Variants in RARB observed in about 807,000 individuals in gnomAD.
RARB encodes HBV-activated protein.
Under a neutral mutation model 51.9 loss-of-function variants are expected in RARB, and 17 were observed. The ratio of observed to expected loss-of-function variants is 0.33; its 90% CI spans 0.22 to 0.49. The LOEUF (loss-of-function observed/expected upper bound fraction) is 0.49. RARB is among the 20% of genes least tolerant of loss of function. RARB has a pLI of 0.99. For synonymous variants in RARB, 215 were observed against 195.4 expected (o/e 1.10, Z -0.84); for missense variants, 369 against 550.8 (o/e 0.67, Z 3.30).
At chr3:25,542,022 A>G (rs527546755) in intron 3 of RARB, among the ~76,000 whole-genome samples, 1 of 152,264 alleles carries the variant, frequency 6.6e-6, no homozygotes, top group Non-Finnish European at 1.5e-5. Context: ...AGAAGAAGAA[A>G]GGAAAGCTAG....
chr3:25,036,979 T>C (rs928845492), intron 2 of RARB, among the ~76,000 whole-genome samples: 1 of 152,130 alleles, frequency 6.6e-6, no homozygotes, highest in Non-Finnish European at 1.5e-5. Flanking sequence ...TTACAAAAGT[T>C]TGTATGTGTG....
intron 2 of RARB, among the ~76,000 whole-genome samples, chr3:25,046,781 T>C (rs1397026946): frequency 2.0e-5 from 3 of 152,156 alleles, no homozygotes; most frequent in East Asian, 3.9e-4. Context: ...TATTAGTTAG[T>C]AGATTTTATT....
chr3:24,870,218 A>G (rs1702922059), intron 2 of RARB, among the ~76,000 whole-genome samples: 2 of 151,970 alleles, frequency 1.3e-5, no homozygotes, highest in African/African-American at 2.4e-5. Context: ...AATGCATTCT[A>G]ATTTATTTTC....
chr3:25,152,489 T>A (rs1341229612), intron 4 of RARB, among the ~76,000 whole-genome samples: 1 of 152,168 alleles, frequency 6.6e-6, no homozygotes, highest in East Asian at 1.9e-4. Context: ...TACAAAGAAC[T>A]AAAATGTAGT....
chr3:25,463,760 A>G (rs1695302154), intron 2 of RARB, among the ~76,000 whole-genome samples: 1 of 152,144 alleles, frequency 6.6e-6, no homozygotes, highest in Non-Finnish European at 1.5e-5. Flanking sequence ...TTAAATAAAC[A>G]TATGTATTAT....
chr3:25,440,966 A>G (rs1438488145), intron 1 of RARB, among the ~76,000 whole-genome samples: 1 of 152,138 alleles, frequency 6.6e-6, no homozygotes, highest in Non-Finnish European at 1.5e-5. Context: ...AAAACTGCCA[A>G]TACCTAATTT....
Position 25,292,837 on chromosome 3 carries a change from T to C in RARB, c.178+118262T>C, listed in dbSNP as rs1271749564. Among the ~76,000 whole-genome samples the C allele has an allele frequency of 2.0e-5, 3 of 152,174 alleles. No homozygotes were observed. In the East Asian group the frequency reaches 5.8e-4, roughly 29 times the overall value. On this transcript the variant is annotated intron_variant, in intron 5 of 11. Coordinates refer to the RARB transcript ENST00000383772. ...CCTGTGTTATGAGAAAACATGGTCCTGCCCTATTCGAGGCTGGTCACTTAG... is the reference window on the plus strand; with the variant it reads ...CCTGTGTTATGAGAAAACATGGTCCCGCCCTATTCGAGGCTGGTCACTTAG...
intron 5 of RARB, among the ~76,000 whole-genome samples, chr3:25,286,154 T>C (rs1259005535): frequency 1.5e-5 from 2 of 134,184 alleles, no homozygotes; most frequent in Admixed American, 1.7e-4. Context: ...AGTGGCATGA[T>C]CTCAGCTCAC....
chr3:25,347,077 C>T (rs929466923), intron 5 of RARB, among the ~76,000 whole-genome samples: 11 of 151,980 alleles, frequency 7.2e-5, no homozygotes, highest in Admixed American at 2.6e-4. Flanking sequence ...GTAGGTTGAC[C>T]GGGAAAACAT....
intron 2 of RARB, among the ~76,000 whole-genome samples, chr3:24,934,350 T>C (rs56881270): frequency 0.19 from 29,604 of 152,110 alleles, 2,942 homozygotes; most frequent in Non-Finnish European, 0.21. Flanking sequence ...AGCCCAGAGA[T>C]ATTCTGGCAG....
intron 5 of RARB, among the ~76,000 whole-genome samples, chr3:25,376,424 A>C (rs1706460928): frequency 6.6e-6 from 1 of 152,188 alleles, no homozygotes; most frequent in Non-Finnish European, 1.5e-5. Context: ...CTCCCTGAGT[A>C]ATTACCAGTC....
rs528509157 is a variant in RARB, at chr3:25,134,935, G to A, written c.-280+2727G>A. The stretch of plus-strand genomic sequence containing the variant: ...AGATTTGTGTTCCATGAATTTCAAA[G>A]TTACTAATATATGAAGATTAAACGC... On this transcript the variant is annotated intron_variant, in intron 4 of 11. Coordinates refer to the RARB transcript ENST00000383772. Among the ~76,000 whole-genome samples, 6 of 152,008 alleles carry A rather than the reference G, an allele frequency of 3.9e-5. No individual in the cohort carries two copies. The South Asian group carries it at 1.2e-3, about 32-fold the overall frequency.
intron 5 of RARB, among the ~76,000 whole-genome samples, chr3:25,253,761 G>C (rs1304092852): frequency 1.3e-5 from 2 of 152,124 alleles, no homozygotes; most frequent in Admixed American, 6.6e-5. Context: ...TTGTCAATAA[G>C]GCTATAAAGG....
intron 5 of RARB, among the ~76,000 whole-genome samples, chr3:25,420,687 G>A (rs1445743618): frequency 6.6e-6 from 1 of 152,248 alleles, no homozygotes. Context: ...GGGGGTTTAG[G>A]TCATGGGTAG....
At chr3:25,351,533 T>C (rs1705570292) in intron 5 of RARB, among the ~76,000 whole-genome samples, 1 of 152,170 alleles carries the variant, frequency 6.6e-6, no homozygotes, top group Non-Finnish European at 1.5e-5. Flanking sequence ...TCTTATCATT[T>C]ATGGAGTCTT....
At chr3:25,255,220 G>A (rs1702832548) in intron 5 of RARB, among the ~76,000 whole-genome samples, 1 of 152,100 alleles carries the variant, frequency 6.6e-6, no homozygotes, top group Non-Finnish European at 1.5e-5. Flanking sequence ...ACACAAATAT[G>A]AATTTTTTCT....
chr3:24,999,211 AATTAGAGAGGTCTTGC>A (rs1227197833), intron 2 of RARB, among the ~76,000 whole-genome samples: 1 of 152,166 alleles, frequency 6.6e-6, no homozygotes, highest in Non-Finnish European at 1.5e-5. Context: ...CATGATATGA[AATTAGAGAGGTCTTGC>A]ATTGCCATGT....
chr3:24,968,022 C>T (rs900581078), intron 2 of RARB, among the ~76,000 whole-genome samples: 6 of 152,146 alleles, frequency 3.9e-5, no homozygotes, highest in African/African-American at 9.7e-5. Flanking sequence ...TATAATAGCT[C>T]TTTGGAGCTT....
At chr3:24,852,801 A>G (rs983910071) in intron 1 of RARB, among the ~76,000 whole-genome samples, 4 of 152,166 alleles carry the variant, frequency 2.6e-5, no homozygotes, top group Non-Finnish European at 4.4e-5. Flanking sequence ...AAAAAGGCAA[A>G]TCTACAGATA....
Sources: gnomAD v4.1 joint callset for allele counts (sites outside exome capture counted in the v4.1 genomes callset) on GRCh38, gnomAD v4.1.1 for gene constraint, MANE v1.5 for transcripts, NCBI Gene and HGNC (gene_info 2026-07-23, HGNC 2026-07-21) for gene names.